Variants in KCNC1 observed in about 807,000 individuals in gnomAD.
The protein encoded by KCNC1 is potassium voltage-gated channel subfamily C member 1, also known as voltage-gated potassium channel KCNC1.
A neutral mutation model predicts 43.4 loss-of-function variants in KCNC1; 8 were observed. That is an observed-to-expected ratio of 0.18 (90% CI 0.11 to 0.33). The LOEUF is 0.33. KCNC1 is among the 10% of genes least tolerant of loss of function. The probability of loss-of-function intolerance (pLI) is 1.00; values close to 1 mark genes in which losing one functional copy is unlikely to be tolerated. For synonymous variants in KCNC1, 361 were observed against 360.5 expected (o/e 1.00, Z -0.01); for missense variants, 420 against 836.0 (o/e 0.50, Z 6.14).
chr11:17,761,834 T>G (rs913833104), intron 1 of KCNC1, among the ~76,000 whole-genome samples: 1 of 152,220 alleles, frequency 6.6e-6, no homozygotes, highest in Admixed American at 6.5e-5. Context: ...AGCCAGAGTC[T>G]CTGGGCTCTG....
rs1230970285 is a variant in KCNC1 at position 17,776,512 on chromosome 11, C to T, written c.1505-2944C>T. 4.1e-6 allele frequency: 4 copies of T among 985,336 alleles called. No homozygotes were observed. The highest frequency in any genetic ancestry group is 4.8e-6 in the Non-Finnish European group (4 of 829,960). 61.0% of individuals were successfully genotyped at this position (985,336 alleles called of 1,614,324 possible). A position where few individuals can be genotyped will look rare whatever the true frequency, so the allele number is the denominator to read the frequency against. On this transcript the variant is annotated intron_variant, in intron 2 of 3. Transcript: ENST00000265969. This position sits in a 1 kb window ranked among gnomAD's most constrained non-coding sequence, Gnocchi z 4.4. ...ACTGAGGGCCCAGCCTCGGGTTCTC[C>T]TTGCTCCAAAGTTTAAAAAAAAATG...
rs1849344877 is a variant in KCNC1 at position 17,781,452 on chromosome 11, G to A, written c.1694-218G>A. Reference sequence around the variant, plus strand: ...GCAGGTGTGTGAGTCAATGTGCAGAGCAGAAGTAGGGACTCATCCCATTCC... The same window carrying A: ...GCAGGTGTGTGAGTCAATGTGCAGAACAGAAGTAGGGACTCATCCCATTCC... On this transcript the variant is annotated intron_variant, in intron 3 of 3. Transcript: ENST00000265969. This position sits in a 1 kb window ranked among gnomAD's most constrained non-coding sequence, Gnocchi z 5.1. The A allele has an allele frequency of 1.8e-6, 1 of 548,676 alleles. No individual in the cohort carries two copies. Among genetic ancestry groups the A allele is most frequent in the African/African-American group, 1.9e-5 (1 of 52,514 alleles). The allele number at this position is 548,676 out of a possible 1,614,324, so 34.0% of individuals were successfully genotyped here.
In KCNC1 at chr11:17,779,155, G is replaced by A. The variant is rs1458456547; in HGVS notation, c.1505-301G>A. ...GTTTCATCGGCCCTGCTTGGGGCCC[G>A]GGGCCGGCCCCCAGCACCACACCTG... is the stretch of plus-strand genomic sequence containing the variant. On this transcript the variant is annotated intron_variant, in intron 2 of 3. Coordinates refer to ENST00000265969, the MANE Select transcript of KCNC1 (RefSeq NM_001112741.2). The surrounding 1 kb of genome is among the most constrained non-coding windows in gnomAD (Gnocchi z 7.2). 2.2e-5 allele frequency: 6 copies of A among 273,798 alleles called. No individual in the cohort carries two copies. The highest frequency in any genetic ancestry group is 6.9e-5 in the East Asian group (1 of 14,436). 17.0% of individuals were successfully genotyped at this position (273,798 alleles called of 1,614,324 possible). A position where few individuals can be genotyped will look rare whatever the true frequency, so the allele number is the denominator to read the frequency against.
At chr11:17,769,792 C>T (rs1849201533) in intron 1 of KCNC1, among the ~76,000 whole-genome samples, 2 of 152,142 alleles carry the variant, frequency 1.3e-5, no homozygotes, top group African/African-American at 2.4e-5. Context: ...GATAGTGGCT[C>T]AGGAGACAGT....
intron 2 of KCNC1, 95 bp downstream of exon 2, chr11:17,772,693 G>A (rs1287934867): frequency 7.1e-6 from 11 of 1,542,350 alleles, no homozygotes; most frequent in Non-Finnish European, 2.6e-6. Flanking sequence ...CCTTAGTTCC[G>A]TGGGTGACCC....
intron 1 of KCNC1, among the ~76,000 whole-genome samples, chr11:17,749,344 C>T (rs1456979050): frequency 1.3e-5 from 2 of 152,260 alleles, no homozygotes; most frequent in African/African-American, 4.8e-5. Context: ...GCTCTGCAGA[C>T]ACTCGCCTCA....
chr11:17,751,450 G>A (rs1288509801), intron 1 of KCNC1, among the ~76,000 whole-genome samples: 1 of 152,202 alleles, frequency 6.6e-6, no homozygotes, highest in Non-Finnish European at 1.5e-5. Flanking sequence ...CTCCTTGCGT[G>A]CCTTCAAAGC....
In KCNC1 at chr11:17,777,140, C is replaced by T; in HGVS notation, c.1505-2316C>T. The T allele has an allele frequency of 1.0e-6, 1 of 984,560 alleles. No individual in the cohort carries two copies. The highest frequency in any genetic ancestry group is 4.7e-5 in the South Asian group (1 of 21,234). The allele number at this position is 984,560 out of a possible 1,614,324, so 61.0% of individuals were successfully genotyped here. A position where few individuals can be genotyped will look rare whatever the true frequency, so the allele number is the denominator to read the frequency against. ...TAGTGATTGTGAGAGCTGGGAGCCC[C>T]CAGGGCCTGGGGGCTTGTGGACAGA... On this transcript the variant is annotated intron_variant, in intron 2 of 3. Coordinates refer to ENST00000265969, the MANE Select transcript of KCNC1 (RefSeq NM_001112741.2). This position sits in a 1 kb window ranked among gnomAD's most constrained non-coding sequence, Gnocchi z 4.3.
At position 17,773,065 on chromosome 11, in the gene KCNC1, G is replaced by A. The variant is rs1849248982; in HGVS notation, c.1504+467G>A. On this transcript the variant is annotated intron_variant, in intron 2 of 3. Coordinates refer to ENST00000265969, the MANE Select transcript of KCNC1 (RefSeq NM_001112741.2). The surrounding 1 kb of genome is among the most constrained non-coding windows in gnomAD (Gnocchi z 4.1). ...TTCAGGCTGTGTAGATGGCAGAGAT[G>A]GTGCATGGGATCTGGGCAGGAGGGT... The A allele has an allele frequency of 9.9e-7, 1 of 1,006,984 alleles. No homozygotes were observed. Among genetic ancestry groups the A allele is most frequent in the Non-Finnish European group, 1.2e-6 (1 of 843,744 alleles). 62.4% of individuals were successfully genotyped at this position (1,006,984 alleles called of 1,614,324 possible). A position where few individuals can be genotyped will look rare whatever the true frequency, so the allele number is the denominator to read the frequency against.
chr11:17,747,028 T>C (rs1848907239), intron 1 of KCNC1, among the ~76,000 whole-genome samples: 1 of 152,210 alleles, frequency 6.6e-6, no homozygotes, highest in African/African-American at 2.4e-5. Context: ...CTCTCGGCCC[T>C]GCGAGATTCA....
intron 1 of KCNC1, among the ~76,000 whole-genome samples, chr11:17,751,677 C>T (rs944726565): frequency 6.6e-6 from 1 of 152,192 alleles, no homozygotes; most frequent in Non-Finnish European, 1.5e-5. Flanking sequence ...GTGAGAGTCC[C>T]TGATGGCAGA....
chr11:17,765,768 G>C (rs1849142741), intron 1 of KCNC1: 1 of 152,282 alleles, frequency 6.6e-6, no homozygotes, highest in Admixed American at 6.5e-5. Flanking sequence ...GCCCAGCAGA[G>C]CTCCCTTTGT....
intron 1 of KCNC1, among the ~76,000 whole-genome samples, chr11:17,767,315 A>G (rs1043632638): frequency 6.6e-6 from 1 of 151,420 alleles, no homozygotes; most frequent in Non-Finnish European, 1.5e-5. Flanking sequence ...AGAAAAGAAA[A>G]GAAAAGAAAG....
chr11:17,781,619 G>A lies in KCNC1; in HGVS notation c.1694-51G>A, dbSNP rs536611810. The A allele has an allele frequency of 2.4e-6, 3 of 1,274,514 alleles. No individual in the cohort carries two copies. Among genetic ancestry groups the A allele is most frequent in the South Asian group, 1.3e-5 (1 of 77,314 alleles). The allele number at this position is 1,274,514 out of a possible 1,614,324, so 79.0% of individuals were successfully genotyped here. On this transcript the variant is annotated intron_variant, in intron 3 of 3. Coordinates refer to ENST00000265969, the MANE Select transcript of KCNC1 (RefSeq NM_001112741.2). The surrounding 1 kb of genome is among the most constrained non-coding windows in gnomAD (Gnocchi z 5.1). The stretch of plus-strand genomic sequence containing the variant: ...TTAAAAACTAAGTACCAAGCGGGAT[G>A]GGAGAGCCAAGAAGAGAAGCTCAAG...
rs200500303 is a variant in KCNC1, at chr11:17,757,215, C to T, written c.571-14450C>T. On this transcript the variant is annotated intron_variant, in intron 1 of 3. Coordinates refer to ENST00000265969, the MANE Select transcript of KCNC1 (RefSeq NM_001112741.2). The stretch of plus-strand genomic sequence containing the variant: ...GGGTAAAATGTGCCATCCATTTAGC[C>T]ACACACAGTGAGTGATGAACAAAAG... 1.3e-4 allele frequency among the ~76,000 whole-genome samples: 5 copies of T among 38,454 alleles called. No homozygotes were observed. In the Admixed American group the frequency reaches 1.9e-3, roughly 14 times the overall value. The allele number at this position is 38,454 out of a possible 152,430, so 25.2% of individuals were successfully genotyped here. A position where few individuals can be genotyped will look rare whatever the true frequency, so the allele number is the denominator to read the frequency against.
intron 1 of KCNC1, among the ~76,000 whole-genome samples, chr11:17,752,788 G>A (rs1848983128): frequency 6.6e-6 from 1 of 152,186 alleles, no homozygotes. Flanking sequence ...GACCAGTGGT[G>A]TAAAGGTAAA....
At chr11:17,760,654 G>T (rs369774886) in intron 1 of KCNC1, among the ~76,000 whole-genome samples, 1 of 152,136 alleles carries the variant, frequency 6.6e-6, no homozygotes, top group Admixed American at 6.5e-5. Context: ...CGCCAGATCC[G>T]GCTACAAGGG....
In KCNC1 at chr11:17,781,439, G is replaced by GCGCCGTA; in HGVS notation, c.1694-231_1694-230insCGCCGTA. On this transcript the variant is annotated intron_variant, in intron 3 of 3. Transcript: ENST00000265969. This position sits in a 1 kb window ranked among gnomAD's most constrained non-coding sequence, Gnocchi z 5.1. ...AGCCAGAAGGCATGCAGGTGTGTGA[G>GCGCCGTA]TCAATGTGCAGAGCAGAAGTAGGGA... The GCGCCGTA allele has an allele frequency of 2.0e-6, 1 of 510,248 alleles. No homozygotes were observed. Among genetic ancestry groups the GCGCCGTA allele is most frequent in the Non-Finnish European group, 3.4e-6 (1 of 289,906 alleles). The allele number at this position is 510,248 out of a possible 1,614,324, so 31.6% of individuals were successfully genotyped here. A position where few individuals can be genotyped will look rare whatever the true frequency, so the allele number is the denominator to read the frequency against.
rs916566978 is a variant in KCNC1, at chr11:17,777,653, C to T, written c.1505-1803C>T. 1.0e-6 allele frequency: 1 copy of T among 985,858 alleles called. No individual in the cohort carries two copies. The highest frequency in any genetic ancestry group is 1.7e-5 in the African/African-American group (1 of 57,356). 61.1% of individuals were successfully genotyped at this position (985,858 alleles called of 1,614,324 possible). A position where few individuals can be genotyped will look rare whatever the true frequency, so the allele number is the denominator to read the frequency against. ...GTGTCAGAGTTACCTTGGCAACTGG[C>T]CTTTTTGGTTCAGAGTAAATTGGGA... On this transcript the variant is annotated intron_variant, in intron 2 of 3. Coordinates refer to ENST00000265969, the MANE Select transcript of KCNC1 (RefSeq NM_001112741.2). The surrounding 1 kb of genome is among the most constrained non-coding windows in gnomAD (Gnocchi z 4.3).
Sources: gnomAD v4.1 joint callset for allele counts (sites outside exome capture counted in the v4.1 genomes callset) on GRCh38, gnomAD v4.1.1 for gene constraint, Gnocchi (gnomAD v3.1) non-coding constraint, MANE v1.5 for transcripts, NCBI Gene and HGNC (gene_info 2026-07-23, HGNC 2026-07-21) for gene names.